SCHIP1: variants seen among roughly 807,000 people sequenced by gnomAD.
SCHIP1 encodes schwannomin-interacting protein 1.
Under a neutral mutation model 29.7 loss-of-function variants are expected in SCHIP1, and 8 were observed. The ratio of observed to expected loss-of-function variants is 0.27; its 90% CI spans 0.16 to 0.49. SCHIP1 has a LOEUF of 0.49. Among genes scored for constraint, SCHIP1 ranks in the 20% least tolerant of loss-of-function variants. SCHIP1 has a pLI of 0.99. For missense variants in SCHIP1, 193 were observed against 294.6 expected (o/e 0.66, Z 2.52); for synonymous variants, 76 against 94.9 (o/e 0.80, Z 1.16).
At chr3:159,772,260 C>T in the SCHIP1 span, among the ~76,000 whole-genome samples, 1 of 152,200 alleles carries the variant, frequency 6.6e-6, no homozygotes, top group African/African-American at 2.4e-5. Flanking sequence ...AAGCAATTCT[C>T]ATGCCTCAGC....
chr3:159,765,117 G>T, the SCHIP1 span: 1 of 1,568,192 alleles, frequency 6.4e-7, no homozygotes, highest in Admixed American at 1.9e-5. Context: ...ACCAGGGCCA[G>T]GCGAGGACCA....
chr3:159,281,526 G>C, the SCHIP1 span, among the ~76,000 whole-genome samples: 8 of 152,170 alleles, frequency 5.3e-5, no homozygotes, highest in Admixed American at 5.2e-4. Flanking sequence ...ACTTCTTAAT[G>C]TATGTACATT....
chr3:159,541,331 G>A, the SCHIP1 span, among the ~76,000 whole-genome samples: 1 of 152,044 alleles, frequency 6.6e-6, no homozygotes, highest in Admixed American at 6.6e-5. Flanking sequence ...ATGGCTACAG[G>A]GGCATAAACA....
At chr3:159,510,148 T>C in the SCHIP1 span, among the ~76,000 whole-genome samples, 3 of 152,252 alleles carry the variant, frequency 2.0e-5, no homozygotes, top group African/African-American at 7.2e-5. Flanking sequence ...CCCATATTTC[T>C]TGGAGGCTAT....
chr3:159,856,040 G>C (rs1004789857), intron 1 of SCHIP1, among the ~76,000 whole-genome samples: 1 of 152,172 alleles, frequency 6.6e-6, no homozygotes, highest in African/African-American at 2.4e-5. Context: ...TGTTTAAGAA[G>C]AAAAGTGCAG....
At chr3:159,473,116 T>C in the SCHIP1 span, among the ~76,000 whole-genome samples, 29 of 152,340 alleles carry the variant, frequency 1.9e-4, no homozygotes, top group South Asian at 5.6e-3. Context: ...GAAACAGTTA[T>C]AACAGTTGTA....
At chr3:159,519,888 T>C in the SCHIP1 span, among the ~76,000 whole-genome samples, 6 of 150,976 alleles carry the variant, frequency 4.0e-5, no homozygotes, top group African/African-American at 1.5e-4. Context: ...TATATATATG[T>C]ATGTATGCAT....
the SCHIP1 span, among the ~76,000 whole-genome samples, chr3:159,787,356 C>T: frequency 6.6e-6 from 1 of 152,192 alleles, no homozygotes; most frequent in African/African-American, 2.4e-5. Flanking sequence ...TTCCATCACA[C>T]TTTACCCCAC....
the SCHIP1 span, among the ~76,000 whole-genome samples, chr3:159,505,074 CG>C: frequency 1.3e-5 from 2 of 152,100 alleles, no homozygotes; most frequent in Non-Finnish European, 2.9e-5. Flanking sequence ...GAGCAAGGTG[CG>C]TTTGCTCATA....
chr3:159,505,456 C>T, the SCHIP1 span, among the ~76,000 whole-genome samples: 4 of 151,964 alleles, frequency 2.6e-5, no homozygotes, highest in South Asian at 8.3e-4. Context: ...TATTGTTGAG[C>T]CATTATAATT....
At chr3:159,685,913 A>G in the SCHIP1 span, among the ~76,000 whole-genome samples, 5 of 152,234 alleles carry the variant, frequency 3.3e-5, no homozygotes, top group Admixed American at 1.3e-4. Context: ...TATCAGGCCA[A>G]AACCAAGAAT....
At chr3:159,327,615 A>C in the SCHIP1 span, among the ~76,000 whole-genome samples, 2 of 152,130 alleles carry the variant, frequency 1.3e-5, no homozygotes. Context: ...TTTTCCTGTC[A>C]TTTGCTAGCA....
At chr3:159,771,128 C>T in the SCHIP1 span, among the ~76,000 whole-genome samples, 6 of 152,162 alleles carry the variant, frequency 3.9e-5, no homozygotes, top group African/African-American at 1.4e-4. Flanking sequence ...TTTTAAATTA[C>T]CTACATTTCT....
the SCHIP1 span, among the ~76,000 whole-genome samples, chr3:159,825,991 AGCAAGATTTTGAGAGGT>A: frequency 1.3e-5 from 2 of 152,174 alleles, no homozygotes; most frequent in Non-Finnish European, 2.9e-5. Context: ...GAGCTGTGTG[AGCAAGATTTTGAGAGGT>A]GCAAAGAAGT....
chr3:159,885,833 G>A (rs1442817467), intron 2 of SCHIP1, among the ~76,000 whole-genome samples: 1 of 152,236 alleles, frequency 6.6e-6, no homozygotes, highest in African/African-American at 2.4e-5. Context: ...CCTGGGACGG[G>A]TTCTCTAGAT....
the SCHIP1 span, among the ~76,000 whole-genome samples, chr3:159,693,529 T>C: frequency 1.2e-3 from 190 of 152,330 alleles, no homozygotes; most frequent in African/African-American, 4.5e-3. Context: ...TGGCTATTAA[T>C]GTTTTAGATG....
chr3:159,350,672 A>G, the SCHIP1 span, among the ~76,000 whole-genome samples: 1 of 152,170 alleles, frequency 6.6e-6, no homozygotes, highest in Non-Finnish European at 1.5e-5. Flanking sequence ...ATGATGCTAT[A>G]AGATACAAAT....
At chr3:159,599,829 A>T in the SCHIP1 span, among the ~76,000 whole-genome samples, 1 of 152,096 alleles carries the variant, frequency 6.6e-6, no homozygotes, top group African/African-American at 2.4e-5. Context: ...TTATGCTTTC[A>T]TGTGTTTTCA....
At chr3:159,428,940 G>A in the SCHIP1 span, among the ~76,000 whole-genome samples, 42 of 151,334 alleles carry the variant, frequency 2.8e-4, no homozygotes, top group Admixed American at 7.9e-4. Context: ...GTAAACTATC[G>A]CAAGAACAAA....
Sources: gnomAD v4.1 joint callset for allele counts (sites outside exome capture counted in the v4.1 genomes callset) on GRCh38, gnomAD v4.1.1 for gene constraint, MANE v1.5 for transcripts, NCBI Gene and HGNC (gene_info 2026-07-23, HGNC 2026-07-21) for gene names.